ZNF823: variants seen among roughly 807,000 people sequenced by gnomAD.
ZNF823 encodes ZFP 36 for a zinc finger protein.
In ZNF823, 5 loss-of-function variants were observed where a neutral mutation model predicts 11.4. The ratio of observed to expected loss-of-function variants is 0.44; its 90% CI spans 0.23 to 0.92. The LOEUF (loss-of-function observed/expected upper bound fraction) is 0.92. Among genes scored for constraint, ZNF823 ranks in the 40% least tolerant of loss-of-function variants. ZNF823 has a pLI of 0.24. For missense variants in ZNF823, 582 were observed against 738.5 expected, an observed-to-expected ratio of 0.79 and a Z score of 2.46; for synonymous variants, 234 against 250.5, an observed-to-expected ratio of 0.93 and a Z score of 0.62.
At chr19:11,730,855 T>C (rs968131185) in intron 1 of ZNF823, 4 of 152,008 alleles carry the variant, frequency 2.6e-5, no homozygotes, top group African/African-American at 9.7e-5. Flanking sequence ...TGTTAGCATT[T>C]GGGGACAAAA....
chr19:11,722,924 G>A lies in ZNF823; in HGVS notation c.610C>T (p.Pro204Ser). The A allele has an allele frequency of 6.2e-7, 1 of 1,614,148 alleles. No individual in the cohort carries two copies. Among genetic ancestry groups the A allele is most frequent in the Non-Finnish European group, 8.5e-7 (1 of 1,180,032 alleles). Residue 204 changes from proline to serine, a missense_variant, in exon 4 of 4, where the codon CCC (proline) becomes TCC (serine). Around this residue, in one of 3 missense-constraint regions of ZNF823, gnomAD observed 429 missense variants for 553.7 expected, o/e 0.77. Transcript: ENST00000341191. This position sits in a 1 kb window ranked among gnomAD's most constrained non-coding sequence, Gnocchi z 5.2. ...CKLCGKAFVW[P>S]SLFHLHERTH... ...CTTTCGTGCAAATGAAATAAACTGG[G>A]CCAAACAAAGGCTTTCCCACACAAC...
intron 1 of ZNF823, chr19:11,730,878 T>A (rs1974880220): frequency 6.6e-6 from 1 of 151,786 alleles, no homozygotes; most frequent in Admixed American, 6.6e-5. Context: ...AAAGATGACA[T>A]TGTCAACAAA....
chr19:11,722,668 T>C lies in ZNF823; in HGVS notation c.866A>G (p.Tyr289Cys), dbSNP rs372967233. ...TQCGKAFSCYYYTRLHERTHT... is the reference protein window; with the variant it reads ...TQCGKAFSCYCYTRLHERTHT... The stretch of plus-strand genomic sequence containing the variant: ...AGTCCTTTCATGTAGTCGAGTGTAA[T>C]AGTAACAGCTGAAGGCTTTCCCACA... The change falls in exon 4 of 4, where the codon TAT becomes TGT. Residue 289 changes from tyrosine (Y) to cysteine (C), a missense_variant. Physicochemically the swap from Tyr to Cys is radical, Grantham distance 194. Coordinates refer to ENST00000341191, the MANE Select transcript of ZNF823 (RefSeq NM_001080493.4). The surrounding 1 kb of genome is among the most constrained non-coding windows in gnomAD (Gnocchi z 5.2). 43 of 1,613,674 alleles carry C rather than the reference T, an allele frequency of 2.7e-5. No individual in the cohort carries two copies. Among genetic ancestry groups the C allele is most frequent in the Admixed American group, 5.0e-5 (3 of 59,968 alleles).
Position 11,721,838 on chromosome 19 carries a change from G to A in ZNF823, c.1696C>T (p.Arg566Cys), listed in dbSNP as rs1248048177. The change falls in exon 4 of 4, where the codon CGT becomes TGT. Residue 566 changes from arginine (R) to cysteine (C), a missense_variant. Physicochemically the swap from Arg to Cys is radical, Grantham distance 180. Coordinates refer to ENST00000341191, the MANE Select transcript of ZNF823 (RefSeq NM_001080493.4). ...ECLQCGKAFT[R>C]SRFLRGHEKT... is the part of the protein sequence containing the mutation. ...TCATGTCCTCGAAGGAAACGGGAACGAGTGAAGGCTTTACCACATTGTAGA... is the reference window on the plus strand; with the variant it reads ...TCATGTCCTCGAAGGAAACGGGAACAAGTGAAGGCTTTACCACATTGTAGA... 8.7e-6 allele frequency: 14 copies of A among 1,612,840 alleles called. No individual in the cohort carries two copies. Among genetic ancestry groups the A allele is most frequent in the Non-Finnish European group, 1.0e-5 (12 of 1,179,674 alleles).
intron 1 of ZNF823, among the ~76,000 whole-genome samples, chr19:11,735,230 A>G (rs366452): frequency 0.44 from 65,192 of 147,926 alleles, 14,543 homozygotes; most frequent in African/African-American, 0.53. Context: ...AGCTGAGATC[A>G]CGCCACTGCA....
chr19:11,721,870 T>C lies in ZNF823; in HGVS notation c.1664A>G (p.Tyr555Cys). 2.5e-6 allele frequency: 4 copies of C among 1,614,012 alleles called. No individual in the cohort carries two copies. Among genetic ancestry groups the C allele is most frequent in the Non-Finnish European group, 3.4e-6 (4 of 1,179,978 alleles). The change falls in exon 4 of 4, where the codon TAT (tyrosine) becomes TGT (cysteine). Residue 555 changes from tyrosine to cysteine, a missense_variant. Transcript: ENST00000341191. ...GGCTTTACCACATTGTAGACATTCA[T>C]AGGGTTTCTCTCCAGTGTGAATTCT... ...HERIHTGEKP[Y>C]ECLQCGKAFT...
chr19:11,731,898 A>T (rs1235309290), intron 1 of ZNF823, among the ~76,000 whole-genome samples: 1 of 150,954 alleles, frequency 6.6e-6, no homozygotes, highest in Non-Finnish European at 1.5e-5. Context: ...AGTCCCAGCT[A>T]CTCGGGAGGC....
intron 3 of ZNF823, 42 bp from the exon 4 acceptor site, chr19:11,723,384 A>C (rs758524080): frequency 6.9e-7 from 1 of 1,456,794 alleles, no homozygotes; most frequent in African/African-American, 1.4e-5. Context: ...TTTGTTTATA[A>C]GTGATTTTCT....
At chr19:11,728,145 G>A (rs907425330) in intron 1 of ZNF823, among the ~76,000 whole-genome samples, 1 of 152,132 alleles carries the variant, frequency 6.6e-6, no homozygotes, top group Non-Finnish European at 1.5e-5. Context: ...CCAAAGTGCT[G>A]GGGTTACAGG....
chr19:11,732,266 G>A (rs532317639), intron 1 of ZNF823, among the ~76,000 whole-genome samples: 1 of 150,610 alleles, frequency 6.6e-6, no homozygotes, highest in Non-Finnish European at 1.5e-5. Flanking sequence ...CCGGGCTCAC[G>A]CCATTCTCCT....
intron 1 of ZNF823, among the ~76,000 whole-genome samples, chr19:11,737,156 G>A (rs1027797049): frequency 2.0e-5 from 3 of 152,182 alleles, no homozygotes; most frequent in Admixed American, 6.5e-5. Context: ...TAGAGGGTGG[G>A]CTGACAGATC....
At chr19:11,736,202 G>A (rs1057373772) in intron 1 of ZNF823, among the ~76,000 whole-genome samples, 2 of 152,088 alleles carry the variant, frequency 1.3e-5, no homozygotes, top group Admixed American at 6.6e-5. Flanking sequence ...CTGAAATTCC[G>A]TTTGAAATCA....
intron 1 of ZNF823, among the ~76,000 whole-genome samples, chr19:11,733,913 G>C (rs982060346): frequency 6.6e-6 from 1 of 152,048 alleles, no homozygotes; most frequent in Non-Finnish European, 1.5e-5. Context: ...CCCCAGCTCT[G>C]TAATCCTGGT....
At chr19:11,737,560 C>CTTTTTTT (rs766360043) in intron 1 of ZNF823, among the ~76,000 whole-genome samples, 1 of 110,492 alleles carries the variant, frequency 9.1e-6, no homozygotes, top group Non-Finnish European at 1.8e-5. Flanking sequence ...CCGCGCCCGG[C>CTTTTTTT]TTTTTTTTTT....
chr19:11,732,723 G>A (rs1013630346), intron 1 of ZNF823, among the ~76,000 whole-genome samples: 14 of 152,214 alleles, frequency 9.2e-5, no homozygotes, highest in Admixed American at 7.9e-4. Flanking sequence ...GGGAGCCACC[G>A]CGCCCGGCAA....
chr19:11,730,927 T>C (rs1282069955), intron 1 of ZNF823: 1 of 146,268 alleles, frequency 6.8e-6, no homozygotes. Flanking sequence ...CTATGAGCCG[T>C]GGAATATGAG....
Position 11,724,269 on chromosome 19 carries a change from C to A in ZNF823, c.131-15G>T. 1 of 1,589,294 alleles carries A rather than the reference C, an allele frequency of 6.3e-7. No individual in the cohort carries two copies. Among genetic ancestry groups the A allele is most frequent in the Non-Finnish European group, 8.5e-7 (1 of 1,171,736 alleles). On this transcript the variant is annotated splice_polypyrimidine_tract_variant and intron_variant, in intron 2 of 3. Coordinates refer to ENST00000341191, the MANE Select transcript of ZNF823 (RefSeq NM_001080493.4). ...CCATTTCATTTCTAAAAGGTAGACC[C>A]AGGAAAATCACTAAAAATGTTTACA...
At chr19:11,731,964 G>C (rs918193622) in intron 1 of ZNF823, among the ~76,000 whole-genome samples, 3 of 147,852 alleles carry the variant, frequency 2.0e-5, no homozygotes, top group Non-Finnish European at 4.5e-5. Flanking sequence ...AGCCGAGATC[G>C]TGCCATTGCA....
At chr19:11,733,369 A>AG (rs1464807015) in intron 1 of ZNF823, among the ~76,000 whole-genome samples, 1 of 127,900 alleles carries the variant, frequency 7.8e-6, no homozygotes, top group African/African-American at 4.1e-5. Context: ...CCATCTCAAA[A>AG]AAAAAAAAAA....
Sources: gnomAD v4.1 joint callset for allele counts (sites outside exome capture counted in the v4.1 genomes callset) on GRCh38, gnomAD v4.1.1 for gene constraint, gnomAD v4.1.1 regional missense constraint, Gnocchi (gnomAD v3.1) non-coding constraint, MANE v1.5 for transcripts, NCBI Gene and HGNC (gene_info 2026-07-23, HGNC 2026-07-21) for gene names.